The following IL16 variants were observed in gnomAD, a reference collection of about 807,000 sequenced individuals.
IL16 encodes the protein interleukin 16, also known as pro-interleukin-16.
A neutral mutation model predicts 110.1 loss-of-function variants in IL16; 67 were observed. The observed-to-expected ratio is 0.61, with a 90% CI of 0.50 to 0.75. The LOEUF (loss-of-function observed/expected upper bound fraction) is 0.75. Ranked by LOEUF, IL16 falls within the 30% of genes least tolerant of loss-of-function variation. The pLI is 0.00. For missense variants in IL16, 1,545 were observed against 1,655.0 expected (o/e 0.93, Z 1.15); for synonymous variants, 689 against 662.9 (o/e 1.04, Z -0.61).
intron 11 of IL16, 59 bp from the exon 12 acceptor site, chr15:81,292,497 G>C: frequency 6.2e-7 from 1 of 1,612,182 alleles, no homozygotes; most frequent in Non-Finnish European, 8.5e-7. Flanking sequence ...GGTGAGGCCA[G>C]GGGGTATTTC....
rs767577311 is a variant in IL16 at position 81,269,002 on chromosome 15, G to A, written c.565-536G>A. 5.9e-5 allele frequency among the ~76,000 whole-genome samples: 9 copies of A among 152,308 alleles called. 1 individual carries two copies. The South Asian group carries it at 1.4e-3, about 25-fold the overall frequency. ...AAGCCGTATTTCCCCTCTGCAGGGC[G>A]GCTTCCTGTGGCACATAGCTCTGGT... On this transcript the variant is annotated intron_variant, in intron 4 of 18. Transcript: ENST00000683961.
chr15:81,239,531 A>G (rs989969039), intron 2 of IL16, among the ~76,000 whole-genome samples: 1 of 152,138 alleles, frequency 6.6e-6, no homozygotes, highest in African/African-American at 2.4e-5. Context: ...CTAGGTGGAG[A>G]GCAGAAAAAA....
intron 14 of IL16, among the ~76,000 whole-genome samples, chr15:81,300,878 T>G (rs1015000041): frequency 6.6e-6 from 1 of 152,180 alleles, no homozygotes; most frequent in African/African-American, 2.4e-5. Context: ...ATTCTTACTC[T>G]CCAAATGGAA....
intron 2 of IL16, among the ~76,000 whole-genome samples, chr15:81,256,079 G>T (rs933909371): frequency 6.6e-6 from 1 of 152,116 alleles, no homozygotes; most frequent in Non-Finnish European, 1.5e-5. Context: ...GCTAATTCAT[G>T]AGAGCAAGAC....
intron 1 of IL16, among the ~76,000 whole-genome samples, chr15:81,204,913 G>A (rs969357027): frequency 9.2e-5 from 14 of 151,906 alleles, no homozygotes; most frequent in African/African-American, 3.1e-4. Flanking sequence ...GGAGGGGTTG[G>A]GGGAGCAGAC....
At chr15:81,188,806 C>T (rs970645331) in intron 1 of IL16, among the ~76,000 whole-genome samples, 1 of 152,056 alleles carries the variant, frequency 6.6e-6, no homozygotes, top group African/African-American at 2.4e-5. Flanking sequence ...AGCTACTTAG[C>T]ATCCAGTTTG....
In IL16 at chr15:81,231,751, A is replaced by C. The variant is rs375147353; in HGVS notation, c.312+6040A>C. On this transcript the variant is annotated intron_variant, in intron 2 of 18. Coordinates refer to ENST00000683961, the MANE Select transcript of IL16 (RefSeq NM_172217.5). ...TTTATCTTTCACAATTGGATCTTTAATTCACATTAAATAAATTTTTGTATA... is the reference window on the plus strand; with the variant it reads ...TTTATCTTTCACAATTGGATCTTTACTTCACATTAAATAAATTTTTGTATA... 1.3e-4 allele frequency among the ~76,000 whole-genome samples: 20 copies of C among 152,318 alleles called. No homozygotes were observed. In the East Asian group the frequency reaches 3.9e-3, roughly 29 times the overall value.
intron 1 of IL16, among the ~76,000 whole-genome samples, chr15:81,208,108 A>C (rs1414162519): frequency 6.6e-6 from 1 of 152,032 alleles, no homozygotes; most frequent in African/African-American, 2.4e-5. Flanking sequence ...TTTTTATTTG[A>C]ATTTCTCTAA....
At chr15:81,307,699 A>T (rs1900643220) in intron 18 of IL16, among the ~76,000 whole-genome samples, 1 of 152,192 alleles carries the variant, frequency 6.6e-6, no homozygotes, top group Non-Finnish European at 1.5e-5. Context: ...AATGTTTAGG[A>T]TGAGACTGCC....
intron 2 of IL16, among the ~76,000 whole-genome samples, chr15:81,235,029 G>A (rs141031132): frequency 1.3e-5 from 2 of 152,028 alleles, no homozygotes; most frequent in Non-Finnish European, 2.9e-5. Context: ...TCACCACTAG[G>A]GGCCATAAAT....
At chr15:81,217,181 A>G (rs1896463984) in intron 1 of IL16, among the ~76,000 whole-genome samples, 1 of 152,200 alleles carries the variant, frequency 6.6e-6, no homozygotes, top group African/African-American at 2.4e-5. Flanking sequence ...GTGAAGACAA[A>G]GCAAGGCAAA....
intron 3 of IL16, among the ~76,000 whole-genome samples, chr15:81,262,369 T>C (rs766442142): frequency 6.6e-6 from 1 of 152,226 alleles, no homozygotes; most frequent in Non-Finnish European, 1.5e-5. Flanking sequence ...CAGATAACTA[T>C]TAAGTCTGTG....
Position 81,303,617 on chromosome 15 carries a change from A to C in IL16, c.3387A>C (p.Ala1129=). Residue 1129 remains alanine (A), a synonymous_variant, in exon 16 of 19, where the codon GCA becomes GCC. Transcript: ENST00000683961. This position sits in a 1 kb window ranked among gnomAD's most constrained non-coding sequence, Gnocchi z 4.1. ...EEGAGLGFSL[A]GGADLENKVI... ...GTGCTGGTCTTGGGTTCAGCTTGGC[A>C]GGAGGAGCAGATCTAGAAAACAAGG... 6.2e-7 allele frequency: 1 copy of C among 1,613,862 alleles called. No individual in the cohort carries two copies. The highest frequency in any genetic ancestry group is 8.5e-7 in the Non-Finnish European group (1 of 1,179,700).
chr15:81,259,166 C>T (rs1213909425), intron 2 of IL16, among the ~76,000 whole-genome samples: 1 of 152,060 alleles, frequency 6.6e-6, no homozygotes, highest in African/African-American at 2.4e-5. Flanking sequence ...AATCATAATA[C>T]CCTTAATAAT....
chr15:81,225,176 G>T (rs1595965478), intron 1 of IL16, 123 bp from the exon 2 acceptor site: 1 of 747,926 alleles, frequency 1.3e-6, no homozygotes, highest in African/African-American at 1.8e-5. Flanking sequence ...CTTAAAGGAT[G>T]ATCTGCCCAT....
At chr15:81,306,613 T>C (rs757277404) in intron 18 of IL16, 68 bp downstream of exon 18, 20 of 1,586,246 alleles carry the variant, frequency 1.3e-5, no homozygotes, top group Non-Finnish European at 1.5e-5. Flanking sequence ...CCCAAAAGGC[T>C]TCTGGGCACT....
At chr15:81,206,866 A>AATGATGATG (rs5814044) in intron 1 of IL16, among the ~76,000 whole-genome samples, 32,909 of 150,870 alleles carry the variant, frequency 0.22, 3,957 homozygotes, top group East Asian at 0.44. Flanking sequence ...GGCTTTAAAT[A>AATGATGATG]ATGATGATGA....
chr15:81,188,507 C>G (rs1441697950), intron 1 of IL16: 2 of 450,426 alleles, frequency 4.4e-6, no homozygotes, highest in East Asian at 6.9e-5. Context: ...AGAAAGAGGA[C>G]TGGCTTCCCT....
At chr15:81,271,758 TC>T (rs1898652321) in intron 5 of IL16, among the ~76,000 whole-genome samples, 1 of 152,122 alleles carries the variant, frequency 6.6e-6, no homozygotes, top group Non-Finnish European at 1.5e-5. Flanking sequence ...CCTGTGCTAC[TC>T]CCGGACACCA....
Sources: allele counts gnomAD v4.1 joint callset (sites outside exome capture counted in the v4.1 genomes callset), GRCh38; gene constraint gnomAD v4.1.1; non-coding constraint Gnocchi (gnomAD v3.1); transcripts MANE v1.5; gene names NCBI Gene and HGNC (gene_info 2026-07-23, HGNC 2026-07-21).